The following SAMMSON variants were observed in gnomAD, a reference collection of about 807,000 sequenced individuals.
SAMMSON encodes survival associated mitochondrial melanoma specific oncogenic non-coding RNA.
intron 4 of SAMMSON, among the ~76,000 whole-genome samples, chr3:70,164,712 A>G (rs958355840): frequency 1.3e-5 from 2 of 152,068 alleles, no homozygotes; most frequent in Non-Finnish European, 2.9e-5. Flanking sequence ...TTCCTCATCT[A>G]TAAAATCCAG....
intron 3 of SAMMSON, among the ~76,000 whole-genome samples, chr3:70,028,085 T>TTTCCTTCCTTCCTTCC (rs113880254): frequency 7.0e-6 from 1 of 143,496 alleles, no homozygotes; most frequent in Non-Finnish European, 1.5e-5. Context: ...GCCTTCCTTC[T>TTTCCTTCCTTCCTTCC]TTCCTTCCTT....
chr3:70,313,868 A>G (rs1016094756), intron 7 of SAMMSON, among the ~76,000 whole-genome samples: 1 of 152,172 alleles, frequency 6.6e-6, no homozygotes, highest in Non-Finnish European at 1.5e-5. Context: ...GAAGACCTTG[A>G]CTGGTCAGAT....
intron 7 of SAMMSON, among the ~76,000 whole-genome samples, chr3:70,316,993 G>C (rs746264697): frequency 1.3e-5 from 2 of 152,024 alleles, no homozygotes; most frequent in South Asian, 4.1e-4. Context: ...CTAGTAGGTG[G>C]TGTGTTACGG....
chr3:70,341,838 A>AT lies in SAMMSON; in HGVS notation n.740-12336dup, dbSNP rs1259799943. 1.1e-4 allele frequency among the ~76,000 whole-genome samples: 10 copies of AT among 90,448 alleles called. 1 individual carries two copies. The South Asian group carries it at 2.2e-3, about 20-fold the overall frequency. The allele number at this position is 90,448 out of a possible 152,430, so 59.3% of individuals were successfully genotyped here. A position where few individuals can be genotyped will look rare whatever the true frequency, so the allele number is the denominator to read the frequency against. ...TGTCTAGCACACGATAGGCACTCCA[A>AT]TAAAAAAAAACTTTAAAAATATTGT... On this transcript the variant is annotated intron_variant and non_coding_transcript_variant, in intron 7 of 9. Transcript: ENST00000642114.
intron 4 of SAMMSON, among the ~76,000 whole-genome samples, chr3:70,108,393 C>T (rs1481809534): frequency 7.4e-6 from 1 of 134,294 alleles, no homozygotes; most frequent in Non-Finnish European, 1.6e-5. Context: ...ATAGCTTATC[C>T]ATGTTAGTGT....
At chr3:70,082,282 C>T (rs2067270349) in intron 4 of SAMMSON, among the ~76,000 whole-genome samples, 1 of 152,112 alleles carries the variant, frequency 6.6e-6, no homozygotes, top group Non-Finnish European at 1.5e-5. Flanking sequence ...AACAAATAAT[C>T]CATATAACAA....
intron 3 of SAMMSON, among the ~76,000 whole-genome samples, chr3:70,021,224 C>T (rs1188509771): frequency 1.3e-5 from 2 of 152,166 alleles, no homozygotes; most frequent in Non-Finnish European, 2.9e-5. Context: ...CACCAAAACA[C>T]ATTTCCTGTC....
intron 1 of SAMMSON, chr3:70,012,279 T>G (rs1353337410): frequency 6.6e-6 from 1 of 152,130 alleles, no homozygotes; most frequent in Non-Finnish European, 1.5e-5. Flanking sequence ...TTGTTACCTT[T>G]ACAAGGGAAA....
intron 3 of SAMMSON, among the ~76,000 whole-genome samples, chr3:70,061,048 C>T (rs2067185639): frequency 6.6e-6 from 1 of 151,962 alleles, no homozygotes; most frequent in South Asian, 2.1e-4. Flanking sequence ...AGGATGTATG[C>T]CAAGATGCAG....
intron 9 of SAMMSON, among the ~76,000 whole-genome samples, chr3:70,373,675 C>T (rs1172685065): frequency 6.6e-6 from 1 of 152,074 alleles, no homozygotes; most frequent in African/African-American, 2.4e-5. Flanking sequence ...TTCAGAATGG[C>T]CAGTTTCTGT....
intron 6 of SAMMSON, among the ~76,000 whole-genome samples, chr3:70,290,654 C>G (rs1474409597): frequency 1.3e-5 from 2 of 152,220 alleles, no homozygotes; most frequent in African/African-American, 4.8e-5. Flanking sequence ...CGCCCCTCCC[C>G]TAGCCTCGCT....
chr3:70,153,855 A>G (rs946561371), intron 4 of SAMMSON, among the ~76,000 whole-genome samples: 1 of 151,944 alleles, frequency 6.6e-6, no homozygotes, highest in African/African-American at 2.4e-5. Flanking sequence ...TCATTGAACA[A>G]TAACTCCCCT....
At chr3:70,277,631 T>A (rs969102409) in intron 6 of SAMMSON, among the ~76,000 whole-genome samples, 1 of 152,178 alleles carries the variant, frequency 6.6e-6, no homozygotes, top group Non-Finnish European at 1.5e-5. Context: ...CTTGGTTTTA[T>A]GGTTTATTTC....
chr3:70,212,813 G>A (rs1184123419), intron 4 of SAMMSON, among the ~76,000 whole-genome samples: 1 of 151,472 alleles, frequency 6.6e-6, no homozygotes, highest in Non-Finnish European at 1.5e-5. Flanking sequence ...TTTGAGACAG[G>A]GTCTCACTCT....
At chr3:70,181,740 C>T (rs1345781420) in intron 4 of SAMMSON, among the ~76,000 whole-genome samples, 2 of 152,242 alleles carry the variant, frequency 1.3e-5, no homozygotes, top group African/African-American at 4.8e-5. Flanking sequence ...TTCTCATGAT[C>T]TGTATCACAT....
At chr3:70,362,430 T>C (rs1243731968) in intron 9 of SAMMSON, among the ~76,000 whole-genome samples, 1 of 152,136 alleles carries the variant, frequency 6.6e-6, no homozygotes, top group Non-Finnish European at 1.5e-5. Flanking sequence ...GTTTCTGGTG[T>C]TCTGCATGTA....
intron 2 of SAMMSON, among the ~76,000 whole-genome samples, chr3:70,422,055 A>C (rs1222282234): frequency 6.6e-6 from 1 of 152,098 alleles, no homozygotes; most frequent in East Asian, 1.9e-4. Context: ...ACTGTGCTAA[A>C]AATTTTAAGA....
At chr3:70,304,898 C>T (rs1021471113) in intron 7 of SAMMSON, among the ~76,000 whole-genome samples, 1 of 152,040 alleles carries the variant, frequency 6.6e-6, no homozygotes, top group Non-Finnish European at 1.5e-5. Flanking sequence ...TCCCCTTTTT[C>T]GTCATTCCCT....
At chr3:70,405,022 A>G (rs1257492982) in intron 2 of SAMMSON, among the ~76,000 whole-genome samples, 1 of 152,204 alleles carries the variant, frequency 6.6e-6, no homozygotes, top group Non-Finnish European at 1.5e-5. Flanking sequence ...AATAACAACA[A>G]CAAAAAACAT....
Sources: gnomAD v4.1 joint callset for allele counts (sites outside exome capture counted in the v4.1 genomes callset) on GRCh38, gnomAD v4.1.1 for gene constraint, MANE v1.5 for transcripts, NCBI Gene and HGNC (gene_info 2026-07-23, HGNC 2026-07-21) for gene names.